Variants in ST8SIA2 observed in about 807,000 individuals in gnomAD.
ST8SIA2 encodes the protein alpha-2,8-sialyltransferase 8B.
In ST8SIA2, 22 loss-of-function variants were observed where a neutral mutation model predicts 37.6. The ratio of observed to expected loss-of-function variants is 0.58; its 90% CI spans 0.42 to 0.83. The LOEUF is 0.83. ST8SIA2 is among the 40% of genes least tolerant of loss of function. The pLI, the probability that ST8SIA2 is intolerant of heterozygous loss-of-function variation, is 0.00. For missense variants in ST8SIA2, 382 were observed against 484.7 expected (o/e 0.79, Z 1.99); for synonymous variants, 205 against 201.2 (o/e 1.02, Z -0.16).
At chr15:92,401,605 G>A (rs11074065) in intron 1 of ST8SIA2, among the ~76,000 whole-genome samples, 70,939 of 151,984 alleles carry the variant, frequency 0.47, 16,640 homozygotes, top group Middle Eastern at 0.51. Context: ...TTGGGATCCC[G>A]ATTCACTCCC....
intron 5 of ST8SIA2, among the ~76,000 whole-genome samples, chr15:92,453,725 A>G (rs1191780489): frequency 6.6e-6 from 1 of 152,198 alleles, no homozygotes; most frequent in Non-Finnish European, 1.5e-5. Context: ...AGAGGTTTTG[A>G]GAGAGAAGGT....
At chr15:92,401,807 C>T (rs1455570321) in intron 1 of ST8SIA2, among the ~76,000 whole-genome samples, 2 of 151,834 alleles carry the variant, frequency 1.3e-5, no homozygotes, top group Non-Finnish European at 2.9e-5. Context: ...ATTCCTCCTC[C>T]TCCTCCTCCA....
At chr15:92,440,233 G>A (rs1304874464) in intron 4 of ST8SIA2, among the ~76,000 whole-genome samples, 1 of 152,280 alleles carries the variant, frequency 6.6e-6, no homozygotes, top group Admixed American at 6.5e-5. Flanking sequence ...AAAACGGGCT[G>A]GGTGGACTGG....
At chr15:92,402,982 C>G (rs1426913577) in intron 1 of ST8SIA2, among the ~76,000 whole-genome samples, 1 of 152,042 alleles carries the variant, frequency 6.6e-6, no homozygotes, top group East Asian at 1.9e-4. Context: ...GTCAGTGGAG[C>G]CTGACAAGGA....
intron 2 of ST8SIA2, among the ~76,000 whole-genome samples, chr15:92,430,801 TGCCAAG>T (rs1195645397): frequency 6.6e-6 from 1 of 152,176 alleles, no homozygotes; most frequent in East Asian, 1.9e-4. Context: ...TGGAAGGAAG[TGCCAAG>T]TTATATGATG....
At chr15:92,436,822 G>A (rs966458131) in intron 3 of ST8SIA2, among the ~76,000 whole-genome samples, 13 of 152,136 alleles carry the variant, frequency 8.5e-5, no homozygotes, top group African/African-American at 2.4e-4. Context: ...GAGACGCGCC[G>A]AGCTTACCAA....
chr15:92,407,903 A>G (rs530244551), intron 1 of ST8SIA2, among the ~76,000 whole-genome samples: 2 of 152,334 alleles, frequency 1.3e-5, no homozygotes, highest in Admixed American at 1.3e-4. Context: ...AAAGGAAAGT[A>G]TTAAGTCAAT....
intron 5 of ST8SIA2, among the ~76,000 whole-genome samples, chr15:92,460,392 G>C (rs899817517): frequency 6.6e-6 from 1 of 152,228 alleles, no homozygotes; most frequent in East Asian, 1.9e-4. Context: ...AGCTGAAAAT[G>C]CAATGGGCTA....
chr15:92,427,260 CAAAAAAAA>C lies in ST8SIA2; in HGVS notation c.99-2776_99-2769del, dbSNP rs55783719. Among the ~76,000 whole-genome samples, 20 of 102,628 alleles carry C rather than the reference CAAAAAAAA, an allele frequency of 1.9e-4. No homozygotes were observed. In the East Asian group the frequency reaches 5.1e-3, roughly 26 times the overall value. The allele number at this position is 102,628 out of a possible 152,430, so 67.3% of individuals were successfully genotyped here. The stretch of plus-strand genomic sequence containing the variant: ...AGCTGGTGGGAGGTTGGGCACTTGG[CAAAAAAAA>C]AAAAAAAAAAAAGCAAAGATTAATG... On this transcript the variant is annotated intron_variant, in intron 1 of 5. Transcript: ENST00000268164.
intron 2 of ST8SIA2, among the ~76,000 whole-genome samples, chr15:92,432,148 C>A (rs2049720574): frequency 6.6e-6 from 1 of 152,166 alleles, no homozygotes; most frequent in Non-Finnish European, 1.5e-5. Context: ...AGCCATGAGA[C>A]ACCAGAGCCC....
At chr15:92,402,231 T>A (rs2049477226) in intron 1 of ST8SIA2, among the ~76,000 whole-genome samples, 2 of 152,184 alleles carry the variant, frequency 1.3e-5, no homozygotes, top group Admixed American at 1.3e-4. Flanking sequence ...CCTCACATAT[T>A]TTCTTCCCCA....
intron 1 of ST8SIA2, among the ~76,000 whole-genome samples, chr15:92,415,615 A>G (rs2049581001): frequency 6.6e-6 from 1 of 151,974 alleles, no homozygotes. Context: ...AACTCCAGCA[A>G]TGACTATGGT....
At chr15:92,407,231 G>T (rs1419424297) in intron 1 of ST8SIA2, among the ~76,000 whole-genome samples, 2 of 152,180 alleles carry the variant, frequency 1.3e-5, no homozygotes. Flanking sequence ...GATCTAGCTG[G>T]CTGTTTTCCA....
chr15:92,442,453 C>T (rs2049810031), intron 4 of ST8SIA2, among the ~76,000 whole-genome samples: 1 of 152,122 alleles, frequency 6.6e-6, no homozygotes, highest in Non-Finnish European at 1.5e-5. Context: ...GGTCAGGTGC[C>T]ACATCCCCTT....
chr15:92,403,911 G>A (rs114915011), intron 1 of ST8SIA2, among the ~76,000 whole-genome samples: 1,764 of 152,292 alleles, frequency 0.012, 32 homozygotes, highest in African/African-American at 0.039. Flanking sequence ...TTCTGTCTTG[G>A]CCCGGGCAGG....
At position 92,425,134 on chromosome 15, in the gene ST8SIA2, A is replaced by G. The variant is rs191486290; in HGVS notation, c.99-4915A>G. Among the ~76,000 whole-genome samples, 777 of 152,324 alleles carry G rather than the reference A, an allele frequency of 5.1e-3. 6 individuals are homozygous for G. The highest frequency in any genetic ancestry group is 0.017 in the African/African-American group (697 of 41,578). ...TTTCTTACCCGATCATCTTCTATCA[A>G]TCAACCAGGCAGGTATCAGCAGTTC... On this transcript the variant is annotated intron_variant, in intron 1 of 5. Transcript: ENST00000268164.
At position 92,468,432 on chromosome 15, in the gene ST8SIA2, C is replaced by T. The variant is rs909665169; in HGVS notation, c.*4047C>T. 1.3e-5 allele frequency: 2 copies of T among 152,742 alleles called. No individual in the cohort carries two copies. The highest frequency in any genetic ancestry group is 2.9e-5 in the Non-Finnish European group (2 of 68,100). 9.5% of individuals were successfully genotyped at this position (152,742 alleles called of 1,614,324 possible). A position where few individuals can be genotyped will look rare whatever the true frequency, so the allele number is the denominator to read the frequency against. On this transcript the variant is annotated 3_prime_UTR_variant, in exon 6 of 6. Transcript: ENST00000268164. ...TCCCCTGGAATGCTCCCTTTTCTTC[C>T]CTTCAAAGCCCATGCGGAAACCACG...
Position 92,438,379 on chromosome 15 carries a change from C to T in ST8SIA2, c.317C>T (p.Ala106Val), listed in dbSNP as rs755291037. 15 of 1,614,098 alleles carry T rather than the reference C, an allele frequency of 9.3e-6. No homozygotes were observed. The highest frequency in any genetic ancestry group is 1.3e-5 in the African/African-American group (1 of 74,934). ...AAGCAGATTTTAAAGTTCTTGGATG[C>T]TGAAAAGGACATTTCTGTCCTAAAG... ...IRKQILKFLDAEKDISVLKGT... is the reference protein window; with the variant it reads ...IRKQILKFLDVEKDISVLKGT... Residue 106 changes from alanine to valine, a missense_variant, in exon 4 of 6, where the codon GCT (alanine) becomes GTT (valine). Coordinates refer to ENST00000268164, the MANE Select transcript of ST8SIA2 (RefSeq NM_006011.4).
At chr15:92,403,407 G>A (rs1428258059) in intron 1 of ST8SIA2, among the ~76,000 whole-genome samples, 2 of 152,182 alleles carry the variant, frequency 1.3e-5, no homozygotes, top group South Asian at 2.1e-4. Context: ...CAAAGATGCT[G>A]GAAACTTTTG....
Sources: allele counts gnomAD v4.1 joint callset (sites outside exome capture counted in the v4.1 genomes callset), GRCh38; gene constraint gnomAD v4.1.1; transcripts MANE v1.5; gene names NCBI Gene and HGNC (gene_info 2026-07-23, HGNC 2026-07-21).